The following PAK5 variants were observed in gnomAD, a reference collection of about 807,000 sequenced individuals.
The protein encoded by PAK5 is p21 (RAC1) activated kinase 5, also known as serine/threonine-protein kinase PAK 5.
PAK5 carries 16 observed loss-of-function variants against 65.9 expected under a neutral mutation model. That is an observed-to-expected ratio of 0.24 (90% CI 0.16 to 0.37). PAK5 has a LOEUF of 0.37. PAK5 is among the 10% of genes least tolerant of loss of function. The pLI is 1.00. For missense variants in PAK5, 785 were observed against 903.9 expected, an observed-to-expected ratio of 0.87 and a Z score of 1.69; for synonymous variants, 371 against 354.9, an observed-to-expected ratio of 1.05 and a Z score of -0.51.
intron 6 of PAK5, among the ~76,000 whole-genome samples, chr20:9,560,510 C>T (rs940201841): frequency 6.6e-6 from 1 of 152,068 alleles, no homozygotes; most frequent in Non-Finnish European, 1.5e-5. Context: ...CAGGGACATG[C>T]CACCACACTC....
intron 1 of PAK5, among the ~76,000 whole-genome samples, chr20:9,824,285 G>A (rs2049459357): frequency 6.6e-6 from 1 of 152,208 alleles, no homozygotes; most frequent in South Asian, 2.1e-4. Context: ...CGTGTGTGGT[G>A]GCTTATGCCT....
intron 2 of PAK5, among the ~76,000 whole-genome samples, chr20:9,706,453 A>G (rs1223467049): frequency 6.6e-6 from 1 of 150,886 alleles, no homozygotes; most frequent in Non-Finnish European, 1.5e-5. Flanking sequence ...GTTGAAATAA[A>G]TACACATTCT....
At position 9,654,045 on chromosome 20, in the gene PAK5, C is replaced by T. The variant is rs767265225; in HGVS notation, c.-11-9706G>A. Among the ~76,000 whole-genome samples the T allele has an allele frequency of 8.3e-4, 126 of 150,946 alleles. 1 individual carries two copies. Among genetic ancestry groups the T allele is most frequent in the Non-Finnish European group, 1.8e-4 (12 of 67,870 alleles). On this transcript the variant is annotated intron_variant, in intron 2 of 9. Coordinates refer to ENST00000353224, the MANE Select transcript of PAK5 (RefSeq NM_177990.4). The stretch of plus-strand genomic sequence containing the variant: ...ATCTTGGTGATCTTCATGATCTTGG[C>T]TCACTGCAACCTCTGCCTCCTGGGT...
chr20:9,774,551 T>C (rs1312289649), intron 1 of PAK5, among the ~76,000 whole-genome samples: 2 of 152,162 alleles, frequency 1.3e-5, no homozygotes, highest in Non-Finnish European at 2.9e-5. Flanking sequence ...ATGTACAGGA[T>C]TATTCATGGC....
At chr20:9,634,470 TATGTAA>T (rs2046960279) in intron 3 of PAK5, among the ~76,000 whole-genome samples, 2 of 152,248 alleles carry the variant, frequency 1.3e-5, no homozygotes, top group South Asian at 4.1e-4. Context: ...TAAAGTGGCT[TATGTAA>T]AACCCTGCAA....
chr20:9,724,509 A>G (rs2086720493), intron 1 of PAK5, among the ~76,000 whole-genome samples: 1 of 152,200 alleles, frequency 6.6e-6, no homozygotes, highest in Non-Finnish European at 1.5e-5. Flanking sequence ...ACATGGTCAT[A>G]TATCTTTACA....
chr20:9,721,653 CAAAAAAAAAAA>C (rs144378083), intron 1 of PAK5, among the ~76,000 whole-genome samples: 2 of 65,522 alleles, frequency 3.1e-5, no homozygotes, highest in Non-Finnish European at 5.3e-5. Flanking sequence ...GACTCCATCT[CAAAAAAAAAAA>C]AAAAAAAAAA....
intron 1 of PAK5, among the ~76,000 whole-genome samples, chr20:9,772,570 A>G (rs1050742768): frequency 1.3e-5 from 2 of 152,244 alleles, no homozygotes; most frequent in African/African-American, 4.8e-5. Context: ...ATGACCATAA[A>G]GAAGCTGCCA....
intron 3 of PAK5, among the ~76,000 whole-genome samples, chr20:9,585,486 C>A (rs1300030356): frequency 6.6e-6 from 1 of 152,232 alleles, no homozygotes; most frequent in African/African-American, 2.4e-5. Flanking sequence ...CACAACCCAG[C>A]AAATTGGCCA....
chr20:9,566,496 T>C (rs2045683984), intron 4 of PAK5, 112 bp from the exon 5 acceptor site: 1 of 1,058,750 alleles, frequency 9.4e-7, no homozygotes, highest in South Asian at 1.4e-5. Flanking sequence ...CAGTGGGAGA[T>C]GAGAGGATCT....
At chr20:9,721,685 A>AT (rs1217879355) in intron 1 of PAK5, among the ~76,000 whole-genome samples, 1 of 143,888 alleles carries the variant, frequency 6.9e-6, no homozygotes, top group Non-Finnish European at 1.5e-5. Flanking sequence ...AAAAAAAAGA[A>AT]TGTAGCCAGT....
At chr20:9,726,687 G>A (rs1196877656) in intron 1 of PAK5, among the ~76,000 whole-genome samples, 1 of 152,100 alleles carries the variant, frequency 6.6e-6, no homozygotes, top group Non-Finnish European at 1.5e-5. Context: ...AAAGGGGAGG[G>A]AGAACATTAG....
intron 1 of PAK5, among the ~76,000 whole-genome samples, chr20:9,742,079 T>G (rs2048456509): frequency 6.6e-6 from 1 of 152,138 alleles, no homozygotes; most frequent in South Asian, 2.1e-4. Context: ...CTGAATAAGG[T>G]CATGTGCTAT....
At chr20:9,710,211 A>T (rs565827905) in intron 2 of PAK5, among the ~76,000 whole-genome samples, 215 of 152,244 alleles carry the variant, frequency 1.4e-3, no homozygotes, top group Non-Finnish European at 1.2e-3. Context: ...GTCAGGAGCC[A>T]TCCAGGAAGC....
chr20:9,816,636 C>T (rs2049360525), intron 1 of PAK5, among the ~76,000 whole-genome samples: 1 of 152,128 alleles, frequency 6.6e-6, no homozygotes, highest in Non-Finnish European at 1.5e-5. Flanking sequence ...GGTATTCTGA[C>T]TCAGATTGGA....
At position 9,781,040 on chromosome 20, in the gene PAK5, A is replaced by T. The variant is rs560441515; in HGVS notation, c.-162+57722T>A. ...TCCTCAGGAATAGAGAAAAATATTC[A>T]AATGGATAATATATGGTTTCTTTTA... is the stretch of plus-strand genomic sequence containing the variant. On this transcript the variant is annotated intron_variant, in intron 1 of 9. Transcript: ENST00000353224. 3.9e-5 allele frequency among the ~76,000 whole-genome samples: 6 copies of T among 152,326 alleles called. No individual in the cohort carries two copies. The South Asian group carries it at 1.2e-3, about 32-fold the overall frequency.
intron 3 of PAK5, among the ~76,000 whole-genome samples, chr20:9,593,931 C>A (rs143037508): frequency 2.0e-5 from 3 of 151,984 alleles, no homozygotes; most frequent in Non-Finnish European, 4.4e-5. Flanking sequence ...TAAGAATGCA[C>A]CTTGAGGATT....
chr20:9,838,216 C>G lies in PAK5; in HGVS notation c.-162+546G>C, dbSNP rs941555196. On this transcript the variant is annotated intron_variant, in intron 1 of 9. Coordinates refer to ENST00000353224, the MANE Select transcript of PAK5 (RefSeq NM_177990.4). The surrounding 1 kb of genome is among the most constrained non-coding windows in gnomAD (Gnocchi z 4.5). ...ACACACACACGCGCGCACACACACA[C>G]ACACACAAATAACAAAGGAAAACAC... Among the ~76,000 whole-genome samples, 35 of 151,694 alleles carry G rather than the reference C, an allele frequency of 2.3e-4. No individual in the cohort carries two copies. Among genetic ancestry groups the G allele is most frequent in the Non-Finnish European group, 3.2e-4 (22 of 67,954 alleles).
chr20:9,690,040 C>T (rs1421615245), intron 2 of PAK5, among the ~76,000 whole-genome samples: 2 of 152,162 alleles, frequency 1.3e-5, no homozygotes, highest in Non-Finnish European at 2.9e-5. Context: ...TCCATCCTCA[C>T]AAAAACAATC....
Sources: gnomAD v4.1 joint callset for allele counts (sites outside exome capture counted in the v4.1 genomes callset) on GRCh38, gnomAD v4.1.1 for gene constraint, Gnocchi (gnomAD v3.1) non-coding constraint, MANE v1.5 for transcripts, NCBI Gene and HGNC (gene_info 2026-07-23, HGNC 2026-07-21) for gene names.